The following BMAL1 variants were observed in gnomAD, a reference collection of about 807,000 sequenced individuals.
BMAL1 encodes basic helix-loop-helix ARNT-like protein 1.
At chr11:13,296,459 C>T in the BMAL1 span, among the ~76,000 whole-genome samples, 1 of 152,220 alleles carries the variant, frequency 6.6e-6, no homozygotes, top group Non-Finnish European at 1.5e-5. Context: ...TGCTTGAATA[C>T]TCCTTCCAGT....
At chr11:13,302,530 A>G in the BMAL1 span, among the ~76,000 whole-genome samples, 3 of 152,170 alleles carry the variant, frequency 2.0e-5, no homozygotes, top group Non-Finnish European at 4.4e-5. Context: ...TCCCCCATCT[A>G]AATGCTGTGC....
At chr11:13,280,438 G>A in the BMAL1 span, among the ~76,000 whole-genome samples, 1 of 152,224 alleles carries the variant, frequency 6.6e-6, no homozygotes, top group African/African-American at 2.4e-5. Context: ...AAACTAGATA[G>A]TTAATATCTC....
the BMAL1 span, among the ~76,000 whole-genome samples, chr11:13,325,695 G>GTGTGTGTGTGT: frequency 2.0e-5 from 3 of 151,226 alleles, no homozygotes; most frequent in African/African-American, 4.9e-5. Flanking sequence ...GTGTGTGTGT[G>GTGTGTGTGTGT]GGCTTGAATG....
chr11:13,374,222 G>T, the BMAL1 span: 1 of 1,603,004 alleles, frequency 6.2e-7, no homozygotes, highest in African/African-American at 1.3e-5. Flanking sequence ...ATGTATGAAA[G>T]ATCTTAAGTT....
At chr11:13,301,889 A>G in the BMAL1 span, among the ~76,000 whole-genome samples, 1 of 152,250 alleles carries the variant, frequency 6.6e-6, no homozygotes, top group African/African-American at 2.4e-5. Context: ...TTAATTGCCC[A>G]GGATCACACT....
chr11:13,341,028 G>T, the BMAL1 span, among the ~76,000 whole-genome samples: 4 of 152,126 alleles, frequency 2.6e-5, no homozygotes, highest in Non-Finnish European at 5.9e-5. Context: ...AAGAGGCCCC[G>T]CCCTGACCAC....
the BMAL1 span, chr11:13,365,477 G>A: frequency 3.8e-6 from 6 of 1,599,136 alleles, no homozygotes; most frequent in South Asian, 6.6e-5. Context: ...ATGAGAAATT[G>A]ATTATCCATT....
the BMAL1 span, chr11:13,354,337 C>T: frequency 6.2e-7 from 1 of 1,612,784 alleles, no homozygotes; most frequent in African/African-American, 1.3e-5. Context: ...GACATTTCTT[C>T]AACCATCAGT....
At chr11:13,373,695 G>C in the BMAL1 span, among the ~76,000 whole-genome samples, 1 of 152,272 alleles carries the variant, frequency 6.6e-6, no homozygotes, top group South Asian at 2.1e-4. Flanking sequence ...TTTTGGTAAA[G>C]ACAGGGTTTC....
At chr11:13,325,451 T>G in the BMAL1 span, among the ~76,000 whole-genome samples, 1 of 152,232 alleles carries the variant, frequency 6.6e-6, no homozygotes, top group African/African-American at 2.4e-5. Flanking sequence ...TTTCTTTTTT[T>G]TTCTTTTTTT....
At chr11:13,294,845 G>T in the BMAL1 span, among the ~76,000 whole-genome samples, 1 of 152,150 alleles carries the variant, frequency 6.6e-6, no homozygotes, top group African/African-American at 2.4e-5. Flanking sequence ...GGCCCCTGCC[G>T]TTTCCAGTGT....
At chr11:13,386,493 T>C in the BMAL1 span, 1 of 1,253,434 alleles carries the variant, frequency 8.0e-7, no homozygotes, top group Non-Finnish European at 1.1e-6. Flanking sequence ...CACCCTACCA[T>C]TAAATGTAAC....
the BMAL1 span, among the ~76,000 whole-genome samples, chr11:13,339,116 C>T: frequency 6.6e-6 from 1 of 152,232 alleles, no homozygotes; most frequent in Admixed American, 6.5e-5. Context: ...TGGCTGGGGG[C>T]CTTTGTGCAG....
At chr11:13,374,337 C>G in the BMAL1 span, 5 of 752,348 alleles carry the variant, frequency 6.6e-6, no homozygotes, top group South Asian at 1.7e-5. Context: ...GTCAGAACAT[C>G]TGTGTGAAGA....
the BMAL1 span, chr11:13,365,484 C>T: frequency 5.0e-6 from 8 of 1,596,430 alleles, no homozygotes; most frequent in East Asian, 1.3e-4. Context: ...ATTGATTATC[C>T]ATTTCTCCTG....
At chr11:13,328,929 A>G in the BMAL1 span, among the ~76,000 whole-genome samples, 1 of 152,158 alleles carries the variant, frequency 6.6e-6, no homozygotes, top group South Asian at 2.1e-4. Flanking sequence ...ATTTTACCTC[A>G]TAATACTGCT....
At chr11:13,290,145 A>G in the BMAL1 span, among the ~76,000 whole-genome samples, 1 of 151,988 alleles carries the variant, frequency 6.6e-6, no homozygotes, top group East Asian at 1.9e-4. Context: ...GATGATGAGC[A>G]TTTTTTTCAT....
chr11:13,313,671 C>T, the BMAL1 span, among the ~76,000 whole-genome samples: 1 of 152,152 alleles, frequency 6.6e-6, no homozygotes, highest in Non-Finnish European at 1.5e-5. Context: ...TCTATGACAG[C>T]CTCTTAATTG....
the BMAL1 span, chr11:13,358,676 G>T: frequency 5.3e-6 from 7 of 1,325,630 alleles, no homozygotes; most frequent in Admixed American, 8.5e-5. Flanking sequence ...CCCTAAGGCA[G>T]ATGTTTATTA....
Sources: gnomAD v4.1 joint callset for allele counts (sites outside exome capture counted in the v4.1 genomes callset) on GRCh38, gnomAD v4.1.1 for gene constraint, MANE v1.5 for transcripts, NCBI Gene and HGNC (gene_info 2026-07-23, HGNC 2026-07-21) for gene names.